Variants in PCDHA1 observed in about 807,000 individuals in gnomAD.
PCDHA1 encodes the protein protocadherin alpha-1.
A neutral mutation model predicts 61.3 loss-of-function variants in PCDHA1; 42 were observed. The ratio of observed to expected loss-of-function variants is 0.69; its 90% CI spans 0.54 to 0.89. The LOEUF (loss-of-function observed/expected upper bound fraction) is 0.89. PCDHA1 is among the 40% of genes least tolerant of loss of function. The pLI, the probability that PCDHA1 is intolerant of heterozygous loss-of-function variation, is 0.00. For missense variants in PCDHA1, 1,256 were observed against 1,235.3 expected, an observed-to-expected ratio of 1.02 and a Z score of -0.25; for synonymous variants, 610 against 553.8, an observed-to-expected ratio of 1.10 and a Z score of -1.43.
At chr5:140,877,317 G>T (rs535177109) in intron 1 of PCDHA1, 2 of 1,614,004 alleles carry the variant, frequency 1.2e-6, no homozygotes, top group South Asian at 1.1e-5. Context: ...AACCGGCGGC[G>T]GTCGGCGCGC....
chr5:140,797,548 C>T (rs1554120470), intron 1 of PCDHA1: 1 of 743,158 alleles, frequency 1.3e-6, no homozygotes, highest in African/African-American at 1.8e-5. Flanking sequence ...TAACTGTTTT[C>T]TTATTTTTAC....
At chr5:141,007,395 CAAAAAAAAAAAA>C (rs35800918) in intron 3 of PCDHA1, among the ~76,000 whole-genome samples, 1 of 94,866 alleles carries the variant, frequency 1.1e-5, no homozygotes, top group Non-Finnish European at 2.1e-5. Flanking sequence ...TACTAAAATA[CAAAAAAAAAAAA>C]AAAAAAAAAA....
At chr5:140,911,066 A>C (rs1166409987) in intron 1 of PCDHA1, among the ~76,000 whole-genome samples, 1 of 152,042 alleles carries the variant, frequency 6.6e-6, no homozygotes, top group Non-Finnish European at 1.5e-5. Flanking sequence ...GTGGGTCCTG[A>C]GGAGAATCAA....
chr5:140,858,784 T>C (rs1554152015), intron 1 of PCDHA1: 8 of 401,650 alleles, frequency 2.0e-5, no homozygotes, highest in Non-Finnish European at 3.6e-5. Context: ...TACTTCATGT[T>C]ATTTCATTTC....
chr5:140,804,938 T>C, intron 1 of PCDHA1: 1 of 1,182,744 alleles, frequency 8.5e-7, no homozygotes, highest in Non-Finnish European at 1.1e-6. Context: ...TATCCTTTGT[T>C]GCTCCCTTGT....
chr5:140,854,725 G>GT (rs2043207581), intron 1 of PCDHA1: 1 of 149,714 alleles, frequency 6.7e-6, no homozygotes, highest in Non-Finnish European at 1.5e-5. Context: ...GAAAACTCAA[G>GT]TTTTTTTCAG....
In PCDHA1 at chr5:140,977,177, T is replaced by G. The variant is rs139020033; in HGVS notation, c.2395-1772T>G. On this transcript the variant is annotated intron_variant, in intron 1 of 3. Coordinates refer to ENST00000504120, the MANE Select transcript of PCDHA1 (RefSeq NM_018900.4). ...CCTTTCAGCAAAATGAGTTTGATGA[T>G]TTCATTCCAAAGATCAAGTTGCAGC... 6.8e-3 allele frequency among the ~76,000 whole-genome samples: 1,032 copies of G among 152,274 alleles called. 9 individuals are homozygous for G. Among genetic ancestry groups the G allele is most frequent in the African/African-American group, 0.023 (966 of 41,542 alleles).
chr5:140,795,473 A>T, intron 1 of PCDHA1: 1 of 1,614,186 alleles, frequency 6.2e-7, no homozygotes, highest in Non-Finnish European at 8.5e-7. Flanking sequence ...CTTCTCTCCT[A>T]CAAGCTCAGC....
At chr5:140,875,413 C>T (rs2055464602) in intron 1 of PCDHA1, 2 of 1,507,300 alleles carry the variant, frequency 1.3e-6, no homozygotes, top group South Asian at 2.7e-5. Flanking sequence ...TCATAAAATA[C>T]CTCAGGCAAG....
chr5:140,807,709 A>C, intron 1 of PCDHA1: 1 of 1,614,254 alleles, frequency 6.2e-7, no homozygotes, highest in Non-Finnish European at 8.5e-7. Flanking sequence ...GACTGAGCCC[A>C]AATGAATACT....
At chr5:140,967,171 G>A (rs181864889) in intron 1 of PCDHA1, 2 of 1,611,944 alleles carry the variant, frequency 1.2e-6, no homozygotes, top group Non-Finnish European at 8.5e-7. Flanking sequence ...GCGCCGTTGA[G>A]GTGGAAATAT....
At chr5:140,896,381 C>A (rs1235283612) in intron 1 of PCDHA1, among the ~76,000 whole-genome samples, 1 of 152,160 alleles carries the variant, frequency 6.6e-6, no homozygotes, top group Non-Finnish European at 1.5e-5. Context: ...TTCTCTGCAA[C>A]CTCACCAGCA....
intron 3 of PCDHA1, among the ~76,000 whole-genome samples, chr5:140,999,763 T>C (rs1475737646): frequency 2.0e-5 from 3 of 152,200 alleles, no homozygotes; most frequent in African/African-American, 7.2e-5. Flanking sequence ...ACATGATGTC[T>C]TTATACTCTT....
intron 1 of PCDHA1, chr5:140,808,582 G>A: frequency 6.2e-7 from 1 of 1,614,070 alleles, no homozygotes; most frequent in East Asian, 2.2e-5. Context: ...TGTTCGTGAA[G>A]GAGAACAACC....
intron 1 of PCDHA1, chr5:140,857,784 T>A (rs782611887): frequency 6.3e-7 from 1 of 1,597,680 alleles, no homozygotes; most frequent in South Asian, 1.1e-5. Flanking sequence ...GTCAGTGAGC[T>A]GGTGCTGCGG....
intron 1 of PCDHA1, among the ~76,000 whole-genome samples, chr5:140,933,223 A>G (rs1005553040): frequency 1.3e-5 from 2 of 152,018 alleles, no homozygotes; most frequent in African/African-American, 4.8e-5. Context: ...GTTATATTGC[A>G]TTTATGAAAA....
intron 1 of PCDHA1, among the ~76,000 whole-genome samples, chr5:140,794,623 T>C (rs996688006): frequency 3.3e-5 from 5 of 152,234 alleles, no homozygotes; most frequent in African/African-American, 9.6e-5. Flanking sequence ...TTTTAAATAT[T>C]ATGTTGTGTG....
chr5:140,958,617 A>C (rs2095434462), intron 1 of PCDHA1, among the ~76,000 whole-genome samples: 1 of 152,204 alleles, frequency 6.6e-6, no homozygotes, highest in Admixed American at 6.5e-5. Flanking sequence ...ATACTAGTCC[A>C]GCTTGAGAGT....
At chr5:140,900,954 A>T (rs942765998) in intron 1 of PCDHA1, among the ~76,000 whole-genome samples, 3 of 152,204 alleles carry the variant, frequency 2.0e-5, no homozygotes, top group Non-Finnish European at 2.9e-5. Context: ...TTCTCTGATT[A>T]TCAGTGATGT....
Sources: gnomAD v4.1 joint callset for allele counts (sites outside exome capture counted in the v4.1 genomes callset) on GRCh38, gnomAD v4.1.1 for gene constraint, MANE v1.5 for transcripts, NCBI Gene and HGNC (gene_info 2026-07-23, HGNC 2026-07-21) for gene names.